Variants in PRR5L observed in about 807,000 individuals in gnomAD.
The protein encoded by PRR5L is proline-rich protein 5-like.
Under a neutral mutation model 36.4 loss-of-function variants are expected in PRR5L, and 21 were observed. The observed-to-expected ratio is 0.58, with a 90% CI of 0.41 to 0.83. PRR5L has a LOEUF of 0.83. Ranked by LOEUF, PRR5L falls within the 40% of genes least tolerant of loss-of-function variation. The pLI, the probability that PRR5L is intolerant of heterozygous loss-of-function variation, is 0.00. For synonymous variants in PRR5L, 188 were observed against 197.0 expected, an observed-to-expected ratio of 0.95 and a Z score of 0.38; for missense variants, 381 against 473.3, an observed-to-expected ratio of 0.80 and a Z score of 1.81.
chr11:36,420,352 C>T (rs749361017), intron 4 of PRR5L, among the ~76,000 whole-genome samples: 1 of 152,160 alleles, frequency 6.6e-6, no homozygotes. Flanking sequence ...GGGTAGTGGT[C>T]AAGATCACAG....
intron 3 of PRR5L, among the ~76,000 whole-genome samples, chr11:36,403,663 A>G (rs1195457676): frequency 6.6e-6 from 1 of 152,152 alleles, no homozygotes; most frequent in Non-Finnish European, 1.5e-5. Context: ...GTAAGCATTT[A>G]TTGTGCCCTT....
intron 7 of PRR5L, among the ~76,000 whole-genome samples, chr11:36,450,926 C>A (rs552881506): frequency 6.6e-6 from 1 of 152,342 alleles, no homozygotes; most frequent in East Asian, 1.9e-4. Context: ...GTCTTTGAGA[C>A]CAGCCAGATC....
chr11:36,306,249 C>G (rs143464572), intron 1 of PRR5L, among the ~76,000 whole-genome samples: 1 of 152,140 alleles, frequency 6.6e-6, no homozygotes, highest in Non-Finnish European at 1.5e-5. Flanking sequence ...CCCAGCCCCC[C>G]ATCCTGGTGT....
intron 4 of PRR5L, among the ~76,000 whole-genome samples, chr11:36,431,449 A>T (rs1858490886): frequency 7.2e-6 from 1 of 139,454 alleles, no homozygotes; most frequent in Non-Finnish European, 1.6e-5. Context: ...GAAGCCCTAA[A>T]TTTATCTTTT....
At chr11:36,401,432 T>C (rs906725064) in intron 2 of PRR5L, 147 bp downstream of exon 2, 7 of 769,770 alleles carry the variant, frequency 9.1e-6, no homozygotes, top group African/African-American at 3.5e-5. Flanking sequence ...TTTCTTTTTT[T>C]CCTTTTTTAA....
At position 36,422,389 on chromosome 11, in the gene PRR5L, T is replaced by C. The variant is rs1467624194; in HGVS notation, c.294+3086T>C. ...ACAGATGAGGAATGGAACCCAGGGG[T>C]GGACAGGAAAGTCACCAAAACCATG... On this transcript the variant is annotated intron_variant, in intron 4 of 8. Transcript: ENST00000530639. 2.6e-5 allele frequency among the ~76,000 whole-genome samples: 4 copies of C among 151,994 alleles called. No individual in the cohort carries two copies. In the East Asian group the frequency reaches 7.7e-4, roughly 29 times the overall value.
At chr11:36,430,479 G>A (rs993436943) in intron 4 of PRR5L, among the ~76,000 whole-genome samples, 2 of 152,110 alleles carry the variant, frequency 1.3e-5, no homozygotes, top group Admixed American at 1.3e-4. Flanking sequence ...ATCTTAATAG[G>A]AGTATGAATT....
chr11:36,446,275 G>T (rs1170150808), intron 6 of PRR5L, 25 bp from the exon 7 acceptor site: 5 of 1,610,936 alleles, frequency 3.1e-6, no homozygotes, highest in Non-Finnish European at 4.2e-6. Flanking sequence ...TCACCTCCCG[G>T]CCCTCTCTCC....
Position 36,389,188 on chromosome 11 carries a change from T to TG in PRR5L, c.-125-11809_-125-11808insG, listed in dbSNP as rs1857516413. On this transcript the variant is annotated intron_variant, in intron 1 of 8. Transcript: ENST00000530639. ...AATAAAATTCTTGGAAATACATTTG[T>TG]TGGTCAGAGGGTATGGCCTTTGTCA... 1.9e-4 allele frequency among the ~76,000 whole-genome samples: 10 copies of TG among 53,382 alleles called. No homozygotes were observed. In the South Asian group the frequency reaches 4.5e-3, roughly 24 times the overall value. The allele number at this position is 53,382 out of a possible 152,430, so 35.0% of individuals were successfully genotyped here. A position where few individuals can be genotyped will look rare whatever the true frequency, so the allele number is the denominator to read the frequency against.
At chr11:36,337,657 T>C (rs1237134440) in intron 1 of PRR5L, among the ~76,000 whole-genome samples, 1 of 152,246 alleles carries the variant, frequency 6.6e-6, no homozygotes, top group Non-Finnish European at 1.5e-5. Context: ...TTAGCCTCCT[T>C]GCGTCCTTCC....
intron 1 of PRR5L, among the ~76,000 whole-genome samples, chr11:36,347,859 G>C (rs1345878027): frequency 6.6e-6 from 1 of 152,000 alleles, no homozygotes; most frequent in African/African-American, 2.4e-5. Context: ...TCCTATGGTG[G>C]TTCAGGGCCT....
chr11:36,386,662 G>T (rs1857461821), intron 1 of PRR5L: 1 of 152,266 alleles, frequency 6.6e-6, no homozygotes, highest in Admixed American at 6.5e-5. Context: ...CAGGGGTCAG[G>T]AGTTCAGGCT....
At chr11:36,447,579 TCCTC>T (rs1439880745) in intron 7 of PRR5L, among the ~76,000 whole-genome samples, 4 of 152,314 alleles carry the variant, frequency 2.6e-5, no homozygotes, top group Non-Finnish European at 5.9e-5. Flanking sequence ...TCTGAGCCCT[TCCTC>T]AGGGAAGATG....
At chr11:36,350,912 A>T (rs866896646) in intron 1 of PRR5L, among the ~76,000 whole-genome samples, 1 of 41,854 alleles carries the variant, frequency 2.4e-5, no homozygotes, top group South Asian at 6.5e-4. Flanking sequence ...GTAAATATAT[A>T]TATATATTTA....
In PRR5L at chr11:36,325,392, A is replaced by ATTGTTACT. The variant is rs1288877361; in HGVS notation, c.-126+28954_-126+28955insTTGTTACT. On this transcript the variant is annotated intron_variant, in intron 1 of 8. Transcript: ENST00000530639. ...ACGGCAGTGGTGGACGGGGAGCGAAAGCTCAGCTCGAGCAGTAACAAACAT... is the reference window on the plus strand; with the variant it reads ...ACGGCAGTGGTGGACGGGGAGCGAAATTGTTACTGCTCAGCTCGAGCAGTAACAAACAT... Among the ~76,000 whole-genome samples the ATTGTTACT allele has an allele frequency of 3.3e-5, 5 of 152,240 alleles. No homozygotes were observed. The East Asian group carries it at 9.6e-4, about 29-fold the overall frequency.
intron 1 of PRR5L, among the ~76,000 whole-genome samples, chr11:36,364,889 G>A (rs550617650): frequency 1.2e-4 from 18 of 152,166 alleles, no homozygotes; most frequent in South Asian, 6.2e-4. Context: ...CCCTCCCTCC[G>A]TTCCTTTCTC....
At chr11:36,397,333 G>T (rs890150413) in intron 1 of PRR5L, among the ~76,000 whole-genome samples, 1 of 151,886 alleles carries the variant, frequency 6.6e-6, no homozygotes, top group African/African-American at 2.4e-5. Flanking sequence ...CAAAGTGCTG[G>T]GACTACAGGC....
chr11:36,345,834 G>A (rs577789036), intron 1 of PRR5L, among the ~76,000 whole-genome samples: 14 of 152,208 alleles, frequency 9.2e-5, no homozygotes, highest in East Asian at 1.9e-4. Flanking sequence ...GCTGGGAAGC[G>A]TCTAGGTGAG....
intron 3 of PRR5L, among the ~76,000 whole-genome samples, chr11:36,413,933 A>G (rs1858084304): frequency 7.3e-6 from 1 of 136,852 alleles, no homozygotes; most frequent in Non-Finnish European, 1.5e-5. Context: ...TCATTGTTCA[A>G]TTCCCACCTA....
Sources: allele counts gnomAD v4.1 joint callset (sites outside exome capture counted in the v4.1 genomes callset), GRCh38; gene constraint gnomAD v4.1.1; transcripts MANE v1.5; gene names NCBI Gene and HGNC (gene_info 2026-07-23, HGNC 2026-07-21).